The following PSG3 variants were observed in gnomAD, a reference collection of about 807,000 sequenced individuals.
PSG3 encodes the protein pregnancy-specific beta-1-glycoprotein 3.
In PSG3, 61 loss-of-function variants were observed where a neutral mutation model predicts 47.5. That is an observed-to-expected ratio of 1.28 (90% confidence interval 1.05 to 1.59). PSG3 has a LOEUF of 1.59. Ranked by LOEUF, PSG3 falls within the 40% of genes most tolerant of loss-of-function variation. PSG3 has a pLI of 0.00. For missense variants in PSG3, 756 were observed against 524.0 expected (o/e 1.44, Z -4.32); for synonymous variants, 263 against 198.4 (o/e 1.33, Z -2.74).
chr19:42,735,728 C>T (rs1475659263), intron 2 of PSG3, among the ~76,000 whole-genome samples: 2 of 152,100 alleles, frequency 1.3e-5, no homozygotes, highest in Non-Finnish European at 2.9e-5. Context: ...GTGTTAGAAC[C>T]GAGGAACAAA....
intron 6 of PSG3, among the ~76,000 whole-genome samples, chr19:42,723,704 A>G (rs1053794299): frequency 6.6e-6 from 1 of 152,222 alleles, no homozygotes; most frequent in Non-Finnish European, 1.5e-5. Flanking sequence ...TTTCATTTGA[A>G]TCTGAGAAAC....
At chr19:42,729,693 A>G in intron 4 of PSG3, 85 bp downstream of exon 4, 2 of 1,573,442 alleles carry the variant, frequency 1.3e-6, no homozygotes, top group South Asian at 1.2e-5. Context: ...CTATACTTGG[A>G]CCAGAGAGAG....
Position 42,727,973 on chromosome 19 carries a change from G to A in PSG3, c.1243+1150C>T, listed in dbSNP as rs1969403462. Among the ~76,000 whole-genome samples the A allele has an allele frequency of 2.0e-5, 3 of 152,324 alleles. 1 individual carries two copies. Among genetic ancestry groups the A allele is most frequent in the East Asian group, 1.9e-4 (1 of 5,182 alleles). ...ATAAAATTCCAATACATAGTGCAAA[G>A]TGGATGAACCTTGAAGATATTATGC... On this transcript the variant is annotated intron_variant, in intron 5 of 6. Coordinates refer to ENST00000327495, the MANE Select transcript of PSG3 (RefSeq NM_021016.4).
At chr19:42,737,600 T>C (rs1468408882) in intron 2 of PSG3, among the ~76,000 whole-genome samples, 2 of 152,192 alleles carry the variant, frequency 1.3e-5, no homozygotes, top group Non-Finnish European at 2.9e-5. Context: ...GACTAATCAG[T>C]TGACCGTTTG....
chr19:42,722,029 C>G lies in PSG3; in HGVS notation c.*102G>C, dbSNP rs533474607. 3.1e-4 allele frequency: 127 copies of G among 415,960 alleles called. No homozygotes were observed. Among genetic ancestry groups the G allele is most frequent in the Non-Finnish European group, 5.1e-4 (115 of 226,904 alleles). The allele number at this position is 415,960 out of a possible 1,614,324, so 25.8% of individuals were successfully genotyped here. A position where few individuals can be genotyped will look rare whatever the true frequency, so the allele number is the denominator to read the frequency against. The stretch of plus-strand genomic sequence containing the variant: ...GAGTCTTTTCATAAATCTCCTTGAA[C>G]AAAAAGCAATTTTGGACTGTAGCTG... On this transcript the variant is annotated 3_prime_UTR_variant, in exon 7 of 7. Coordinates refer to ENST00000327495, the MANE Select transcript of PSG3 (RefSeq NM_021016.4).
At chr19:42,730,204 C>G in intron 3 of PSG3, 148 bp from the exon 4 acceptor site, 1 of 1,441,092 alleles carries the variant, frequency 6.9e-7, no homozygotes, top group African/African-American at 1.4e-5. Context: ...AAGACAGATG[C>G]ATGATGATCT....
intron 2 of PSG3, among the ~76,000 whole-genome samples, chr19:42,735,484 G>C (rs768151038): frequency 2.6e-5 from 4 of 151,956 alleles, no homozygotes; most frequent in Admixed American, 6.5e-5. Context: ...CTCCTGGCTT[G>C]GCCTCCCAAA....
chr19:42,737,207 G>T (rs563934531), intron 2 of PSG3, among the ~76,000 whole-genome samples: 2 of 152,276 alleles, frequency 1.3e-5, no homozygotes, highest in South Asian at 4.1e-4. Context: ...TTGCTTTAGG[G>T]TCAAGAGGTA....
rs772046753 is a variant in PSG3 at position 42,729,973 on chromosome 19, T to G, written c.793A>C (p.Lys265Gln). 9 of 1,612,164 alleles carry G rather than the reference T, an allele frequency of 5.6e-6. No homozygotes were observed. ...KDVLAFTCEP[K>Q]SENYTYIWWL... Reference sequence around the variant, plus strand: ...CAAATGTAGGTGTAGTTCTCACTCTTAGGTTCACAGGTGAAGGCTAAGACA... The same window carrying G: ...CAAATGTAGGTGTAGTTCTCACTCTGAGGTTCACAGGTGAAGGCTAAGACA... Residue 265 changes from lysine to glutamine, a missense_variant, in exon 4 of 7, where the codon AAG becomes CAG. By Grantham distance (53) the Lys-to-Gln change is moderately conservative (BLOSUM62 1). Coordinates refer to ENST00000327495, the MANE Select transcript of PSG3 (RefSeq NM_021016.4).
At chr19:42,739,529 T>A in intron 1 of PSG3, 1 of 175,106 alleles carries the variant, frequency 5.7e-6, no homozygotes, top group Non-Finnish European at 1.2e-5. Context: ...TAGAACTCTT[T>A]GCATGTCTGT....
chr19:42,728,978 T>C (rs1600381811), intron 5 of PSG3, 145 bp downstream of exon 5: 5 of 1,557,744 alleles, frequency 3.2e-6, no homozygotes, highest in East Asian at 4.5e-5. Flanking sequence ...TAGAGACAAA[T>C]TGGGAGGGTT....
chr19:42,729,677 T>G (rs575279264), intron 4 of PSG3, 101 bp downstream of exon 4: 2 of 1,564,544 alleles, frequency 1.3e-6, no homozygotes, highest in African/African-American at 2.7e-5. Context: ...CCAGAAGTAA[T>G]GGTATCTATA....
chr19:42,728,151 C>T (rs1236894878), intron 5 of PSG3, among the ~76,000 whole-genome samples: 2 of 151,982 alleles, frequency 1.3e-5, no homozygotes, highest in African/African-American at 4.8e-5. Context: ...TTATTGGCTA[C>T]AGAGGTTTAA....
At chr19:42,723,226 G>C (rs1385654414) in intron 6 of PSG3, among the ~76,000 whole-genome samples, 1 of 152,208 alleles carries the variant, frequency 6.6e-6, no homozygotes, top group Admixed American at 6.5e-5. Context: ...TAATCCTAAA[G>C]TCTTAGTTCT....
chr19:42,734,162 G>C (rs1401889951), intron 2 of PSG3: 1 of 152,212 alleles, frequency 6.6e-6, no homozygotes, highest in African/African-American at 2.4e-5. Flanking sequence ...TGCAGGATGA[G>C]GAGGTTCTAG....
intron 2 of PSG3, chr19:42,733,387 C>G (rs1471972109): frequency 2.6e-6 from 1 of 378,272 alleles, no homozygotes. Context: ...CCTGGCCCAC[C>G]TTGTGGTCCT....
chr19:42,725,456 A>AAATT (rs1969361449), intron 5 of PSG3, among the ~76,000 whole-genome samples: 1 of 152,208 alleles, frequency 6.6e-6, no homozygotes, highest in African/African-American at 2.4e-5. Context: ...AGAATAGAGG[A>AAATT]AATTAATGAA....
intron 2 of PSG3, chr19:42,733,998 C>G (rs1969519981): frequency 6.6e-6 from 1 of 152,178 alleles, no homozygotes; most frequent in African/African-American, 2.4e-5. Flanking sequence ...GATACTTTCT[C>G]TCATTAGACA....
intron 3 of PSG3, chr19:42,732,199 G>A (rs2122180171): frequency 6.3e-6 from 1 of 158,340 alleles, no homozygotes; most frequent in South Asian, 1.9e-4. Context: ...AACAGACATA[G>A]ACCCCTCTAT....
Sources: allele counts gnomAD v4.1 joint callset (sites outside exome capture counted in the v4.1 genomes callset), GRCh38; gene constraint gnomAD v4.1.1; transcripts MANE v1.5; gene names NCBI Gene and HGNC (gene_info 2026-07-23, HGNC 2026-07-21).